Variants in SYN3 observed in about 807,000 individuals in gnomAD.
SYN3 encodes the protein synapsin III.
A neutral mutation model predicts 65.8 loss-of-function variants in SYN3; 35 were observed. That is an observed-to-expected ratio of 0.53 (90% CI 0.41 to 0.70). The LOEUF (loss-of-function observed/expected upper bound fraction) is 0.70, where lower values mean the gene tolerates loss of function less well. Ranked by LOEUF, SYN3 falls within the 30% of genes least tolerant of loss-of-function variation. SYN3 has a pLI of 0.00. For synonymous variants in SYN3, 270 were observed against 292.9 expected (o/e 0.92, Z 0.80); for missense variants, 680 against 749.0 (o/e 0.91, Z 1.08).
At chr22:33,050,652 A>G (rs2054150544) in intron 1 of SYN3, among the ~76,000 whole-genome samples, 1 of 152,136 alleles carries the variant, frequency 6.6e-6, no homozygotes, top group Admixed American at 6.5e-5. Flanking sequence ...CCAGCACATG[A>G]CTTCTAGTAC....
At chr22:33,056,098 CT>C (rs1262987364) in intron 1 of SYN3, among the ~76,000 whole-genome samples, 1 of 151,962 alleles carries the variant, frequency 6.6e-6, no homozygotes, top group East Asian at 1.9e-4. Context: ...ATAAAAGTAC[CT>C]AAGTTGGAGT....
At position 32,677,151 on chromosome 22, in the gene SYN3, C is replaced by A. The variant is rs1011544360; in HGVS notation, c.712-80415G>T. Among the ~76,000 whole-genome samples the A allele has an allele frequency of 1.6e-3, 240 of 152,298 alleles. 1 individual carries two copies. Among genetic ancestry groups the A allele is most frequent in the African/African-American group, 5.5e-3 (227 of 41,566 alleles). On this transcript the variant is annotated intron_variant, in intron 6 of 13. Transcript: ENST00000358763. ...TAACGCTGTTCCTATCCTGGAGGAG[C>A]TTACCAGAAGCTTTGACATACCCCT... is the stretch of plus-strand genomic sequence containing the variant.
chr22:32,574,305 C>T (rs1303686660), intron 7 of SYN3, among the ~76,000 whole-genome samples: 2 of 151,964 alleles, frequency 1.3e-5, no homozygotes, highest in African/African-American at 2.4e-5. Flanking sequence ...CATAGTGAGA[C>T]CCTGTCTCTA....
intron 7 of SYN3, among the ~76,000 whole-genome samples, chr22:32,589,530 TC>T (rs1447697934): frequency 6.6e-6 from 1 of 152,186 alleles, no homozygotes; most frequent in Non-Finnish European, 1.5e-5. Flanking sequence ...ATACTTAATC[TC>T]TTGAAACTCT....
intron 3 of SYN3, among the ~76,000 whole-genome samples, chr22:32,934,436 T>C (rs890899354): frequency 1.2e-4 from 18 of 152,176 alleles, no homozygotes; most frequent in African/African-American, 3.9e-4. Flanking sequence ...TTGTGGTTTA[T>C]GAATAATTAC....
chr22:32,893,781 T>C (rs536929371), intron 4 of SYN3, among the ~76,000 whole-genome samples: 4 of 152,196 alleles, frequency 2.6e-5, no homozygotes, highest in South Asian at 4.1e-4. Flanking sequence ...TATCCCCTTC[T>C]TCGCAAAGAA....
At chr22:32,609,266 G>A (rs1328888801) in intron 6 of SYN3, among the ~76,000 whole-genome samples, 1 of 152,002 alleles carries the variant, frequency 6.6e-6, no homozygotes, top group Admixed American at 6.6e-5. Flanking sequence ...GGAGCTTTCG[G>A]TGAGCGGAGA....
In SYN3 at chr22:32,734,102, TG is replaced by T. The variant is rs554814111; in HGVS notation, c.711+130812del. Reference sequence around the variant, plus strand: ...GGGTGTATTAAGCAGCTGAGTCTGCTGCTTTAAAGGGCCTGGGGTGGGTGGA... The same window carrying T: ...GGGTGTATTAAGCAGCTGAGTCTGCTCTTTAAAGGGCCTGGGGTGGGTGGA... On this transcript the variant is annotated intron_variant, in intron 6 of 13. Coordinates refer to ENST00000358763, the MANE Select transcript of SYN3 (RefSeq NM_003490.4). Among the ~76,000 whole-genome samples the T allele has an allele frequency of 2.0e-3, 307 of 152,316 alleles. 2 individuals are homozygous for T. Among genetic ancestry groups the T allele is most frequent in the African/African-American group, 7.1e-3 (296 of 41,576 alleles).
rs1030227362 is a variant in SYN3, at chr22:32,533,845, A to G, written c.1043T>C (p.Ile348Thr). 6.2e-7 allele frequency: 1 copy of G among 1,614,012 alleles called. No homozygotes were observed. Among genetic ancestry groups the G allele is most frequent in the Non-Finnish European group, 8.5e-7 (1 of 1,179,930 alleles). Residue 348 changes from isoleucine (I) to threonine (T), a missense_variant, in exon 10 of 14, where the codon ATC becomes ACC. Physicochemically the swap from Ile to Thr is moderately conservative, Grantham distance 89 (BLOSUM62 -1). Transcript: ENST00000358763. ...SCSEMFGGLDICAVKAVHSKD... is the reference protein window; with the variant it reads ...SCSEMFGGLDTCAVKAVHSKD... ...GCTGTGGACAGCCTTGACGGCACAG[A>G]TGTCCAGGCCGCCAAACATTTCCGA...
At chr22:32,761,923 T>C (rs1026112766) in intron 6 of SYN3, among the ~76,000 whole-genome samples, 1 of 152,116 alleles carries the variant, frequency 6.6e-6, no homozygotes, top group East Asian at 1.9e-4. Context: ...GGGGAAGACC[T>C]GAAAACGGGG....
intron 6 of SYN3, among the ~76,000 whole-genome samples, chr22:32,707,416 G>T (rs1350531728): frequency 3.3e-5 from 5 of 152,206 alleles, no homozygotes; most frequent in Admixed American, 1.3e-4. Context: ...AGAAGCATGG[G>T]CCTCAGCCTT....
intron 6 of SYN3, among the ~76,000 whole-genome samples, chr22:32,603,537 GAAAAA>G (rs1259399396): frequency 8.0e-6 from 1 of 124,776 alleles, no homozygotes; most frequent in East Asian, 2.3e-4. Context: ...CAAAAAAAAA[GAAAAA>G]AAAAAAAAAG....
chr22:33,054,026 C>T lies in SYN3; in HGVS notation c.-163+4266G>A, dbSNP rs138197019. On this transcript the variant is annotated intron_variant, in intron 1 of 13. Coordinates refer to ENST00000358763, the MANE Select transcript of SYN3 (RefSeq NM_003490.4). ...GGAACGAACTGATTTTGGGCAAGTT[C>T]GTTTGGACACGGGAGAGGGGGTTGG... Among the ~76,000 whole-genome samples, 150 of 152,244 alleles carry T rather than the reference C, an allele frequency of 9.9e-4. 1 individual carries two copies. Among genetic ancestry groups the T allele is most frequent in the African/African-American group, 3.5e-3 (145 of 41,538 alleles).
intron 4 of SYN3, among the ~76,000 whole-genome samples, chr22:32,886,026 G>T (rs241899): frequency 6.6e-6 from 1 of 152,056 alleles, no homozygotes; most frequent in Non-Finnish European, 1.5e-5. Flanking sequence ...CATGAAAGAA[G>T]GCGGGCAACC....
At chr22:32,937,437 C>G (rs2050804307) in intron 3 of SYN3, among the ~76,000 whole-genome samples, 1 of 152,176 alleles carries the variant, frequency 6.6e-6, no homozygotes, top group Non-Finnish European at 1.5e-5. Flanking sequence ...AATCAGCTCA[C>G]AGTTGTGTGG....
intron 6 of SYN3, among the ~76,000 whole-genome samples, chr22:32,762,215 G>T (rs2063190313): frequency 6.6e-6 from 1 of 152,140 alleles, no homozygotes; most frequent in Non-Finnish European, 1.5e-5. Flanking sequence ...TTAAAGCAGT[G>T]GGCTGGGACT....
chr22:33,012,591 T>G (rs1054099303), intron 1 of SYN3, among the ~76,000 whole-genome samples: 4 of 152,246 alleles, frequency 2.6e-5, no homozygotes, highest in African/African-American at 9.6e-5. Flanking sequence ...AGGCAGTGCT[T>G]CCATCTATGC....
intron 4 of SYN3, among the ~76,000 whole-genome samples, chr22:32,897,908 C>T (rs554720658): frequency 6.6e-6 from 1 of 152,300 alleles, no homozygotes; most frequent in South Asian, 2.1e-4. Context: ...CAGCCTTGAA[C>T]TCCTGGGCTC....
At chr22:32,519,361 AAAC>A (rs1480718591) in intron 12 of SYN3, 1 of 151,940 alleles carries the variant, frequency 6.6e-6, no homozygotes, top group East Asian at 1.9e-4. Flanking sequence ...ATTTCTTTGG[AAAC>A]AACGACAAGA....
Sources: gnomAD v4.1 joint callset for allele counts (sites outside exome capture counted in the v4.1 genomes callset) on GRCh38, gnomAD v4.1.1 for gene constraint, MANE v1.5 for transcripts, NCBI Gene and HGNC (gene_info 2026-07-23, HGNC 2026-07-21) for gene names.